The following NALF1 variants were observed in gnomAD, a reference collection of about 807,000 sequenced individuals.
NALF1 encodes family with sequence similarity 155 member A.
Under a neutral mutation model 48.4 loss-of-function variants are expected in NALF1, and 3 were observed. The ratio of observed to expected loss-of-function variants is 0.06; its 90% CI spans 0.03 to 0.16. NALF1 has a LOEUF of 0.16. Among genes scored for constraint, NALF1 ranks in the 10% least tolerant of loss-of-function variants. The pLI is 1.00. For missense variants in NALF1, 526 were observed against 571.5 expected (o/e 0.92, Z 0.81); for synonymous variants, 262 against 245.7 (o/e 1.07, Z -0.62).
chr13:107,458,220 C>G (rs1884856669), intron 1 of NALF1, among the ~76,000 whole-genome samples: 1 of 152,156 alleles, frequency 6.6e-6, no homozygotes, highest in Admixed American at 6.5e-5. Context: ...ACGTAGACAC[C>G]TAAGTGACCA....
At chr13:107,503,198 T>C (rs1402873605) in intron 1 of NALF1, among the ~76,000 whole-genome samples, 2 of 152,212 alleles carry the variant, frequency 1.3e-5, no homozygotes, top group Non-Finnish European at 2.9e-5. Context: ...TTTGAAACTG[T>C]GGCCTTTGCA....
At chr13:107,504,296 G>C (rs1875624738) in intron 1 of NALF1, among the ~76,000 whole-genome samples, 1 of 151,818 alleles carries the variant, frequency 6.6e-6, no homozygotes, top group South Asian at 2.1e-4. Context: ...CCATGGGCAG[G>C]GAGTAGGGGA....
chr13:107,747,671 A>C (rs1876820497), intron 1 of NALF1, among the ~76,000 whole-genome samples: 2 of 152,302 alleles, frequency 1.3e-5, no homozygotes, highest in South Asian at 2.1e-4. Flanking sequence ...TAGATAACTA[A>C]ATTATGTCAT....
intron 1 of NALF1, among the ~76,000 whole-genome samples, chr13:107,851,346 TTTTTTTTTTC>T: frequency 6.6e-6 from 1 of 151,886 alleles, no homozygotes; most frequent in South Asian, 2.1e-4. Context: ...GAACAGTTTT[TTTTTTTTTTC>T]TTTAAGTGGC....
intron 1 of NALF1, among the ~76,000 whole-genome samples, chr13:107,442,448 C>T (rs1884576122): frequency 6.6e-6 from 1 of 152,208 alleles, no homozygotes; most frequent in South Asian, 2.1e-4. Context: ...GTTAACAAGT[C>T]TGCTGGCCTG....
At chr13:107,588,295 C>T (rs1878512508) in intron 1 of NALF1, among the ~76,000 whole-genome samples, 4 of 151,918 alleles carry the variant, frequency 2.6e-5, no homozygotes, top group Admixed American at 2.0e-4. Flanking sequence ...ATGTTGAGTC[C>T]CTGTCTTGAT....
At chr13:107,746,556 C>T (rs1440472393) in intron 1 of NALF1, among the ~76,000 whole-genome samples, 2 of 152,152 alleles carry the variant, frequency 1.3e-5, no homozygotes, top group East Asian at 1.9e-4. Flanking sequence ...TTTATATTAG[C>T]ATATAATCTG....
intron 1 of NALF1, among the ~76,000 whole-genome samples, chr13:107,840,688 AGCAGTT>A (rs1880022387): frequency 6.6e-6 from 1 of 152,216 alleles, no homozygotes; most frequent in African/African-American, 2.4e-5. Flanking sequence ...TCTATTGGGA[AGCAGTT>A]GTCAGTCTCT....
At chr13:107,655,077 A>G (rs971350561) in intron 1 of NALF1, among the ~76,000 whole-genome samples, 6 of 152,060 alleles carry the variant, frequency 3.9e-5, no homozygotes, top group African/African-American at 1.4e-4. Flanking sequence ...CACTCCCCCT[A>G]AGAACTGGAA....
At chr13:107,623,987 C>T (rs758538134) in intron 1 of NALF1, among the ~76,000 whole-genome samples, 1 of 152,218 alleles carries the variant, frequency 6.6e-6, no homozygotes, top group Admixed American at 6.5e-5. Context: ...ACTGAAGCAT[C>T]GGTGTATTCC....
intron 1 of NALF1, among the ~76,000 whole-genome samples, chr13:107,485,575 T>G (rs56332756): frequency 0.021 from 3,143 of 152,274 alleles, 104 homozygotes; most frequent in African/African-American, 0.071. Flanking sequence ...GGTTGGGAAC[T>G]GAACTGCTTG....
chr13:107,416,306 C>T (rs1884088139), intron 1 of NALF1, among the ~76,000 whole-genome samples: 1 of 151,942 alleles, frequency 6.6e-6, no homozygotes, highest in Non-Finnish European at 1.5e-5. Flanking sequence ...TGAGCCACTG[C>T]ACACGGCCTA....
intron 1 of NALF1, among the ~76,000 whole-genome samples, chr13:107,809,884 GAAGA>G (rs1304415296): frequency 6.6e-6 from 1 of 151,918 alleles, no homozygotes; most frequent in Non-Finnish European, 1.5e-5. Flanking sequence ...CTGTCTCAAG[GAAGA>G]AATAGTTCTA....
chr13:107,676,019 C>T (rs1056508022), intron 1 of NALF1, among the ~76,000 whole-genome samples: 1 of 152,082 alleles, frequency 6.6e-6, no homozygotes, highest in African/African-American at 2.4e-5. Flanking sequence ...AGGTCAACTG[C>T]CTCCCATGCC....
At chr13:107,495,727 T>C (rs889280822) in intron 1 of NALF1, among the ~76,000 whole-genome samples, 4 of 152,280 alleles carry the variant, frequency 2.6e-5, no homozygotes, top group African/African-American at 4.8e-5. Context: ...GACAAGATGG[T>C]TATCATTGTT....
intron 1 of NALF1, among the ~76,000 whole-genome samples, chr13:107,376,365 T>C (rs540046730): frequency 6.6e-6 from 1 of 152,292 alleles, no homozygotes; most frequent in Admixed American, 6.5e-5. Flanking sequence ...CGTTTCCTCC[T>C]CCACATTCTT....
chr13:107,866,260 A>G lies in NALF1; in HGVS notation c.337T>C (p.Ser113Pro). ...WPALLASMGE[S>P]SPAAQAHRLL... ...CTGTGTGCCTGGGCGGCGGGCGAGG[A>G]CTCCCCCATGCTCGCCAGGAGCGCG... Residue 113 changes from serine (S) to proline (P), a missense_variant, in exon 1 of 3, where the codon TCC becomes CCC. Transcript: ENST00000375915. The surrounding 1 kb of genome is among the most constrained non-coding windows in gnomAD (Gnocchi z 4.4). 6.3e-7 allele frequency: 1 copy of G among 1,594,738 alleles called. No homozygotes were observed. Among genetic ancestry groups the G allele is most frequent in the South Asian group, 1.1e-5 (1 of 89,844 alleles).
chr13:107,394,939 G>C (rs1424543466), intron 1 of NALF1, among the ~76,000 whole-genome samples: 1 of 152,200 alleles, frequency 6.6e-6, no homozygotes, highest in African/African-American at 2.4e-5. Context: ...GATGTCACCA[G>C]TGGGGCCCTC....
rs547672671 is a variant in NALF1, at chr13:107,280,076, G to A, written c.916-69321C>T. Among the ~76,000 whole-genome samples, 284 of 152,260 alleles carry A rather than the reference G, an allele frequency of 1.9e-3. 2 individuals are homozygous for A. The highest frequency in any genetic ancestry group is 2.8e-3 in the Non-Finnish European group (188 of 68,022). ...CAAAGTGCTGGGATTACAGGTGTGA[G>A]CCATCATGGGTGGACACCTAAGCTA... On this transcript the variant is annotated intron_variant, in intron 1 of 2. Transcript: ENST00000375915.
Sources: allele counts gnomAD v4.1 joint callset (sites outside exome capture counted in the v4.1 genomes callset), GRCh38; gene constraint gnomAD v4.1.1; non-coding constraint Gnocchi (gnomAD v3.1); transcripts MANE v1.5; gene names NCBI Gene and HGNC (gene_info 2026-07-23, HGNC 2026-07-21).